HYCC1: variants seen among roughly 807,000 people sequenced by gnomAD.
HYCC1 encodes the protein hyccin.
the HYCC1 span, among the ~76,000 whole-genome samples, chr7:23,002,189 G>A: frequency 0.023 from 2,881 of 127,670 alleles, 82 homozygotes; most frequent in East Asian, 0.12. Context: ...TATAGTTTGC[G>A]GCTACAGCAT....
the HYCC1 span, among the ~76,000 whole-genome samples, chr7:22,959,732 G>GAT: frequency 1.3e-4 from 19 of 151,844 alleles, no homozygotes; most frequent in East Asian, 9.6e-4. Flanking sequence ...GACAAGAAGG[G>GAT]ATATATATAT....
the HYCC1 span, among the ~76,000 whole-genome samples, chr7:22,898,143 T>C: frequency 2.0e-5 from 3 of 152,046 alleles, no homozygotes; most frequent in Non-Finnish European, 4.4e-5. Context: ...CCTCCCAGGC[T>C]CAAGCCATCC....
At chr7:22,990,703 T>C in the HYCC1 span, among the ~76,000 whole-genome samples, 1 of 152,214 alleles carries the variant, frequency 6.6e-6, no homozygotes, top group Admixed American at 6.5e-5. Flanking sequence ...CCTCTCCTCA[T>C]TGTTGGTCAC....
the HYCC1 span, among the ~76,000 whole-genome samples, chr7:23,000,667 A>G: frequency 2.6e-5 from 4 of 152,098 alleles, no homozygotes; most frequent in East Asian, 1.9e-4. Flanking sequence ...CTCCACATCA[A>G]TGCTGGAATT....
At chr7:22,960,276 C>A in the HYCC1 span, 1 of 1,613,784 alleles carries the variant, frequency 6.2e-7, no homozygotes, top group Non-Finnish European at 8.5e-7. Context: ...CCACCTATGA[C>A]CCCTTATTGA....
chr7:22,984,570 A>C, the HYCC1 span, among the ~76,000 whole-genome samples: 2 of 152,120 alleles, frequency 1.3e-5, no homozygotes, highest in Non-Finnish European at 2.9e-5. Flanking sequence ...AAAACAAACA[A>C]AATTAGCTGG....
the HYCC1 span, among the ~76,000 whole-genome samples, chr7:22,904,158 A>G: frequency 6.6e-6 from 1 of 152,116 alleles, no homozygotes; most frequent in Non-Finnish European, 1.5e-5. Flanking sequence ...AGGGCCGGGC[A>G]TGGTGGCTCA....
At chr7:22,959,331 A>G in the HYCC1 span, among the ~76,000 whole-genome samples, 4 of 152,174 alleles carry the variant, frequency 2.6e-5, no homozygotes, top group East Asian at 7.7e-4. Flanking sequence ...AAATAGCTCC[A>G]TTCTTCTCCT....
the HYCC1 span, chr7:22,944,133 A>G: frequency 6.6e-6 from 1 of 152,328 alleles, no homozygotes; most frequent in South Asian, 2.1e-4. Flanking sequence ...GCAAGGGACT[A>G]TGAAGAAGGA....
the HYCC1 span, among the ~76,000 whole-genome samples, chr7:22,954,485 T>TA: frequency 9.2e-5 from 14 of 151,518 alleles, no homozygotes; most frequent in South Asian, 2.9e-3. Context: ...TTGTTTTTTT[T>TA]AAATCTCTTT....
the HYCC1 span, chr7:22,983,714 T>C: frequency 2.0e-6 from 1 of 498,646 alleles, no homozygotes; most frequent in Non-Finnish European, 3.6e-6. Context: ...CATAGACTTT[T>C]CAAAGCTACC....
chr7:22,991,045 G>A, the HYCC1 span: 1 of 1,545,494 alleles, frequency 6.5e-7, no homozygotes, highest in Non-Finnish European at 8.9e-7. Context: ...TACTATAGTA[G>A]AACAGTAAAT....
the HYCC1 span, among the ~76,000 whole-genome samples, chr7:23,005,874 C>G: frequency 6.6e-6 from 1 of 152,170 alleles, no homozygotes; most frequent in African/African-American, 2.4e-5. Flanking sequence ...CTTCCCCCAT[C>G]CATTTCTATA....
At chr7:22,922,593 A>G in the HYCC1 span, among the ~76,000 whole-genome samples, 1 of 152,230 alleles carries the variant, frequency 6.6e-6, no homozygotes, top group Non-Finnish European at 1.5e-5. Context: ...TATCACTTTC[A>G]CACCATTGTA....
the HYCC1 span, among the ~76,000 whole-genome samples, chr7:22,899,296 C>T: frequency 8.5e-5 from 13 of 152,114 alleles, no homozygotes; most frequent in Admixed American, 6.5e-5. Flanking sequence ...GCAGGTTGTA[C>T]GTGGCCCAAC....
At chr7:22,955,407 T>C in the HYCC1 span, among the ~76,000 whole-genome samples, 1 of 151,620 alleles carries the variant, frequency 6.6e-6, no homozygotes, top group Non-Finnish European at 1.5e-5. Flanking sequence ...TGTCTCATTA[T>C]CTCACAAAGG....
chr7:22,902,336 T>C, the HYCC1 span, among the ~76,000 whole-genome samples: 2 of 145,350 alleles, frequency 1.4e-5, no homozygotes, highest in East Asian at 2.0e-4. Context: ...TTGATAGTTT[T>C]AAATTAATGA....
the HYCC1 span, among the ~76,000 whole-genome samples, chr7:22,947,581 CT>C: frequency 6.6e-6 from 1 of 151,828 alleles, no homozygotes; most frequent in Non-Finnish European, 1.5e-5. Context: ...TTTTTGTGTT[CT>C]TTGGGTAATT....
At chr7:22,905,312 C>G in the HYCC1 span, among the ~76,000 whole-genome samples, 1 of 151,332 alleles carries the variant, frequency 6.6e-6, no homozygotes, top group African/African-American at 2.4e-5. Flanking sequence ...TCAAGCGATT[C>G]TCCTGTCTCA....
Sources: gnomAD v4.1 joint callset for allele counts (sites outside exome capture counted in the v4.1 genomes callset) on GRCh38, gnomAD v4.1.1 for gene constraint, MANE v1.5 for transcripts, NCBI Gene and HGNC (gene_info 2026-07-23, HGNC 2026-07-21) for gene names.